The following IDO2 variants were observed in gnomAD, a reference collection of about 807,000 sequenced individuals.
The protein encoded by IDO2 is indoleamine 2,3-dioxygenase 2.
Under a neutral mutation model 45.1 loss-of-function variants are expected in IDO2, and 46 were observed. The ratio of observed to expected loss-of-function variants is 1.02; its 90% CI spans 0.80 to 1.30. The LOEUF is 1.30. Ranked by LOEUF, IDO2 falls within the 50% of genes most tolerant of loss-of-function variation. The pLI, the probability that IDO2 is intolerant of heterozygous loss-of-function variation, is 0.00. For missense variants in IDO2, 544 were observed against 491.8 expected, an observed-to-expected ratio of 1.11 and a Z score of -1.00; for synonymous variants, 218 against 184.9, an observed-to-expected ratio of 1.18 and a Z score of -1.45.
intron 9 of IDO2, among the ~76,000 whole-genome samples, chr8:40,010,040 G>A (rs1017797045): frequency 1.1e-4 from 8 of 70,530 alleles, no homozygotes; most frequent in South Asian, 4.1e-4. Flanking sequence ...AATGCGGTGG[G>A]TGGGGGGATG....
intron 1 of IDO2, among the ~76,000 whole-genome samples, chr8:39,940,946 T>C (rs1245183683): frequency 1.7e-5 from 2 of 117,200 alleles, no homozygotes; most frequent in Non-Finnish European, 3.7e-5. Flanking sequence ...AAAAAAAACT[T>C]TGGCTGGGCG....
At chr8:39,948,867 T>A (rs868657068) in intron 1 of IDO2, among the ~76,000 whole-genome samples, 10 of 152,290 alleles carry the variant, frequency 6.6e-5, no homozygotes, top group African/African-American at 1.2e-4. Context: ...GTGGAACAAA[T>A]TTGTCTCTGG....
intron 8 of IDO2, among the ~76,000 whole-genome samples, chr8:40,000,875 A>G (rs928024596): frequency 6.6e-6 from 1 of 152,092 alleles, no homozygotes; most frequent in Non-Finnish European, 1.5e-5. Flanking sequence ...TCATTTCTTC[A>G]TTCATTAATT....
At chr8:39,962,157 C>T (rs988063125) in intron 2 of IDO2, among the ~76,000 whole-genome samples, 2 of 152,184 alleles carry the variant, frequency 1.3e-5, no homozygotes, top group Non-Finnish European at 2.9e-5. Flanking sequence ...CGGACTATGT[C>T]TTACTTGGCT....
chr8:39,964,482 A>T (rs1409651036), intron 3 of IDO2, among the ~76,000 whole-genome samples: 1 of 152,162 alleles, frequency 6.6e-6, no homozygotes, highest in East Asian at 1.9e-4. Flanking sequence ...ATCTGTCCTA[A>T]TCTATCAGTT....
At chr8:39,990,214 G>T (rs1808480429) in intron 8 of IDO2, among the ~76,000 whole-genome samples, 1 of 152,150 alleles carries the variant, frequency 6.6e-6, no homozygotes, top group African/African-American at 2.4e-5. Flanking sequence ...TCTACACTCT[G>T]TAATGCCCCT....
At chr8:39,968,630 T>G (rs1208831647) in intron 3 of IDO2, among the ~76,000 whole-genome samples, 4 of 151,908 alleles carry the variant, frequency 2.6e-5, no homozygotes, top group Non-Finnish European at 5.9e-5. Context: ...AAACACCGCA[T>G]GTTCTTACTT....
chr8:39,965,421 A>G (rs549870586), intron 3 of IDO2, among the ~76,000 whole-genome samples: 1 of 152,308 alleles, frequency 6.6e-6, no homozygotes, highest in African/African-American at 2.4e-5. Flanking sequence ...CAGGAGACAG[A>G]GGTTGCAGTT....
chr8:39,996,429 G>T (rs1475625914), intron 8 of IDO2, among the ~76,000 whole-genome samples: 1 of 152,192 alleles, frequency 6.6e-6, no homozygotes, highest in Non-Finnish European at 1.5e-5. Flanking sequence ...GTGGACACGT[G>T]ACTTGGGTGA....
intron 1 of IDO2, among the ~76,000 whole-genome samples, chr8:39,943,347 G>A (rs1034883504): frequency 6.6e-6 from 1 of 152,148 alleles, no homozygotes; most frequent in Non-Finnish European, 1.5e-5. Context: ...CTCCAGTCTG[G>A]ATGACAGAGG....
chr8:39,945,197 C>T (rs1807712051), intron 1 of IDO2, among the ~76,000 whole-genome samples: 1 of 152,230 alleles, frequency 6.6e-6, no homozygotes, highest in South Asian at 2.1e-4. Flanking sequence ...AAGCCAGAAA[C>T]AGGCACTTTC....
In IDO2 at chr8:39,978,918, G is replaced by C. The variant is rs1808300389; in HGVS notation, c.196-149G>C. The C allele has an allele frequency of 1.2e-5, 8 of 673,220 alleles. No individual in the cohort carries two copies. The East Asian group carries it at 2.3e-4, about 19-fold the overall frequency. The allele number at this position is 673,220 out of a possible 1,614,324, so 41.7% of individuals were successfully genotyped here. On this transcript the variant is annotated intron_variant, in intron 3 of 10. Coordinates refer to ENST00000502986, the Ensembl canonical transcript of IDO2. Reference sequence around the variant, plus strand: ...GTCCTGGGTCTGGGGATAAATGGGTGTGTGTGCGGGCTCTTTGTACCTTCA... The same window carrying C: ...GTCCTGGGTCTGGGGATAAATGGGTCTGTGTGCGGGCTCTTTGTACCTTCA...
intron 2 of IDO2, among the ~76,000 whole-genome samples, chr8:39,960,240 C>T (rs1171974409): frequency 6.6e-6 from 1 of 152,128 alleles, no homozygotes; most frequent in African/African-American, 2.4e-5. Flanking sequence ...TCACACCCAC[C>T]CCTATCTCAA....
chr8:40,002,810 T>A (rs1802160169), intron 8 of IDO2, among the ~76,000 whole-genome samples: 1 of 151,860 alleles, frequency 6.6e-6, no homozygotes, highest in Non-Finnish European at 1.5e-5. Flanking sequence ...AAATAAAATA[T>A]CTATGTTGGA....
intron 3 of IDO2, among the ~76,000 whole-genome samples, chr8:39,971,852 A>C (rs1398219056): frequency 6.6e-6 from 1 of 151,690 alleles, no homozygotes; most frequent in Non-Finnish European, 1.5e-5. Flanking sequence ...CTTATTGCCC[A>C]AGCTGGAGTG....
chr8:39,983,176 A>T (rs1808378373), intron 5 of IDO2, among the ~76,000 whole-genome samples: 1 of 152,248 alleles, frequency 6.6e-6, no homozygotes, highest in African/African-American at 2.4e-5. Context: ...TTCAGAGCAG[A>T]TGCTCCAGGT....
intron 1 of IDO2, among the ~76,000 whole-genome samples, chr8:39,941,339 T>G (rs1257355286): frequency 6.6e-6 from 1 of 152,000 alleles, no homozygotes; most frequent in South Asian, 2.1e-4. Context: ...GAAAGTATTT[T>G]GGAAAAATAC....
chr8:40,003,151 C>A (rs1041917702), intron 8 of IDO2, among the ~76,000 whole-genome samples: 6 of 152,020 alleles, frequency 3.9e-5, no homozygotes, highest in African/African-American at 1.4e-4. Context: ...GGGTGGATCA[C>A]CTGAGGTCAG....
rs780231883 is a variant in IDO2 at position 40,005,338 on chromosome 8, C to A, written c.679C>A (p.Pro227Thr). ...GATTGCTTCTCCAGATTATGTAGATCCAGACATATTTTATGCAGGCATCCG... is the reference window on the plus strand; with the variant it reads ...GATTGCTTCTCCAGATTATGTAGATACAGACATATTTTATGCAGGCATCCG... The change falls in exon 9 of 11, where the codon CCA becomes ACA. Residue 227 changes from proline (P) to threonine (T), a missense_variant. Pro to Thr is a conservative substitution (Grantham distance 38). Transcript: ENST00000502986. 2 of 1,578,462 alleles carry A rather than the reference C, an allele frequency of 1.3e-6. No individual in the cohort carries two copies. The highest frequency in any genetic ancestry group is 3.4e-5 in the Admixed American group (2 of 58,056).
Sources: gnomAD v4.1 joint callset for allele counts (sites outside exome capture counted in the v4.1 genomes callset) on GRCh38, gnomAD v4.1.1 for gene constraint, MANE v1.5 for transcripts, NCBI Gene and HGNC (gene_info 2026-07-23, HGNC 2026-07-21) for gene names.